Variants in LHFPL3 observed in about 807,000 individuals in gnomAD.
LHFPL3 encodes LHFPL tetraspan subfamily member 3, also known as LHFPL tetraspan subfamily member 3 protein.
A neutral mutation model predicts 19.3 loss-of-function variants in LHFPL3; 5 were observed. The observed-to-expected ratio is 0.26, with a 90% CI of 0.14 to 0.54. LHFPL3 has a LOEUF of 0.54. LHFPL3 is among the 20% of genes least tolerant of loss of function. The pLI is 0.94. For synonymous variants in LHFPL3, 133 were observed against 126.2 expected, an observed-to-expected ratio of 1.05 and a Z score of -0.36; for missense variants, 249 against 307.4, an observed-to-expected ratio of 0.81 and a Z score of 1.42.
At chr7:104,860,178 CCACACACACACA>C (rs10534227) in intron 2 of LHFPL3, among the ~76,000 whole-genome samples, 3 of 128,874 alleles carry the variant, frequency 2.3e-5, no homozygotes, top group South Asian at 2.3e-4. Context: ...ATACACCCAC[CCACACACACACA>C]CACACACACA....
At chr7:104,782,434 T>C (rs1483645076) in intron 2 of LHFPL3, among the ~76,000 whole-genome samples, 1 of 152,204 alleles carries the variant, frequency 6.6e-6, no homozygotes, top group Non-Finnish European at 1.5e-5. Flanking sequence ...ACCCCAACTC[T>C]GAGTGGGAGG....
At chr7:104,809,115 G>A (rs907897970) in intron 2 of LHFPL3, among the ~76,000 whole-genome samples, 1 of 152,082 alleles carries the variant, frequency 6.6e-6, no homozygotes, top group African/African-American at 2.4e-5. Flanking sequence ...GGCTGGTCTT[G>A]AACTCCTGTC....
intron 1 of LHFPL3, among the ~76,000 whole-genome samples, chr7:104,525,770 C>G (rs1794176793): frequency 6.6e-6 from 1 of 152,056 alleles, no homozygotes. Context: ...CCACGCCAGG[C>G]TAATTTTTGT....
At chr7:104,549,895 C>T (rs1316530311) in intron 1 of LHFPL3, among the ~76,000 whole-genome samples, 1 of 152,032 alleles carries the variant, frequency 6.6e-6, no homozygotes, top group Non-Finnish European at 1.5e-5. Flanking sequence ...GTAAAAGGTA[C>T]AGCAGAGGCC....
intron 1 of LHFPL3, among the ~76,000 whole-genome samples, chr7:104,448,160 T>C (rs1792367106): frequency 6.6e-6 from 1 of 152,166 alleles, no homozygotes; most frequent in Non-Finnish European, 1.5e-5. Context: ...TTAATATCAA[T>C]AGTTAATTGG....
chr7:104,615,716 CT>C (rs1391151678), intron 1 of LHFPL3, among the ~76,000 whole-genome samples: 1 of 151,526 alleles, frequency 6.6e-6, no homozygotes, highest in East Asian at 1.9e-4. Flanking sequence ...TAATGTTCCC[CT>C]CCCGGTGTCC....
chr7:104,430,405 C>CACGTGTAT (rs1791953828), intron 1 of LHFPL3, among the ~76,000 whole-genome samples: 1 of 22,456 alleles, frequency 4.5e-5, no homozygotes, highest in Non-Finnish European at 7.6e-5. Flanking sequence ...TATATATATA[C>CACGTGTAT]ATATATATAT....
chr7:104,638,942 T>A (rs1470079492), intron 1 of LHFPL3, among the ~76,000 whole-genome samples: 1 of 151,808 alleles, frequency 6.6e-6, no homozygotes, highest in African/African-American at 2.4e-5. Flanking sequence ...ATTTTTTTTT[T>A]TTGGTAGAAA....
At chr7:104,418,393 G>A (rs1791666115) in intron 1 of LHFPL3, among the ~76,000 whole-genome samples, 1 of 152,102 alleles carries the variant, frequency 6.6e-6, no homozygotes, top group African/African-American at 2.4e-5. Context: ...TTAGCCAGAT[G>A]TGGTAGTGTG....
intron 1 of LHFPL3, among the ~76,000 whole-genome samples, chr7:104,681,363 G>A (rs111842601): frequency 0.04 from 6,040 of 152,130 alleles, 386 homozygotes; most frequent in African/African-American, 0.14. Context: ...GGTGGCTCAC[G>A]CCTGTAATCC....
At chr7:104,839,886 A>T (rs1791163147) in intron 2 of LHFPL3, among the ~76,000 whole-genome samples, 2 of 152,084 alleles carry the variant, frequency 1.3e-5, no homozygotes, top group African/African-American at 4.8e-5. Context: ...GTCCTGGATC[A>T]TGAGTCAGGA....
chr7:104,862,788 G>T (rs1791640769), intron 2 of LHFPL3, among the ~76,000 whole-genome samples: 1 of 152,162 alleles, frequency 6.6e-6, no homozygotes, highest in South Asian at 2.1e-4. Context: ...CACAACCTGG[G>T]AAGTAAGCAG....
chr7:104,811,255 C>T (rs893555785), intron 2 of LHFPL3, among the ~76,000 whole-genome samples: 2 of 151,212 alleles, frequency 1.3e-5, no homozygotes, highest in African/African-American at 2.4e-5. Flanking sequence ...AGTGCAGTGG[C>T]GCATTCATGA....
chr7:104,828,951 C>G (rs905640666), intron 2 of LHFPL3, among the ~76,000 whole-genome samples: 1 of 151,818 alleles, frequency 6.6e-6, no homozygotes, highest in Non-Finnish European at 1.5e-5. Flanking sequence ...GGGAGAATCA[C>G]TTGGGCCCAG....
intron 1 of LHFPL3, among the ~76,000 whole-genome samples, chr7:104,675,149 G>A (rs1449454371): frequency 6.6e-6 from 1 of 152,238 alleles, no homozygotes; most frequent in Non-Finnish European, 1.5e-5. Context: ...GTGGGAGGCA[G>A]TATACTTCTA....
chr7:104,342,861 G>A (rs992733435), intron 1 of LHFPL3, among the ~76,000 whole-genome samples: 2 of 152,180 alleles, frequency 1.3e-5, no homozygotes, highest in African/African-American at 4.8e-5. Flanking sequence ...CAGCATGCTA[G>A]CATTACTGTG....
At chr7:104,671,241 GT>G (rs1176849890) in intron 1 of LHFPL3, among the ~76,000 whole-genome samples, 3 of 150,892 alleles carry the variant, frequency 2.0e-5, no homozygotes, top group Admixed American at 6.6e-5. Flanking sequence ...ATTGAAAGGT[GT>G]TTTTTTTCTT....
intron 2 of LHFPL3, among the ~76,000 whole-genome samples, chr7:104,828,622 G>A (rs146288247): frequency 1.1e-4 from 17 of 152,104 alleles, no homozygotes; most frequent in South Asian, 2.1e-4. Flanking sequence ...GGAAAGCACC[G>A]CCAGGCCTCT....
At chr7:104,458,951 C>T (rs112364624) in intron 1 of LHFPL3, among the ~76,000 whole-genome samples, 15 of 152,272 alleles carry the variant, frequency 9.9e-5, no homozygotes, top group Middle Eastern at 3.4e-3. Flanking sequence ...CACTGTCAGC[C>T]GTGGAGGTGG....
Sources: allele counts gnomAD v4.1 joint callset (sites outside exome capture counted in the v4.1 genomes callset), GRCh38; gene constraint gnomAD v4.1.1; transcripts MANE v1.5; gene names NCBI Gene and HGNC (gene_info 2026-07-23, HGNC 2026-07-21).